PPP2R3C: variants seen among roughly 807,000 people sequenced by gnomAD.
PPP2R3C encodes the protein protein phosphatase 2 regulatory subunit B''gamma.
Under a neutral mutation model 63.7 loss-of-function variants are expected in PPP2R3C, and 47 were observed. That is an observed-to-expected ratio of 0.74 (90% confidence interval 0.58 to 0.94). PPP2R3C has a LOEUF of 0.94. PPP2R3C is among the 40% of genes least tolerant of loss of function. The pLI is 0.00. For missense variants in PPP2R3C, 421 were observed against 518.4 expected (o/e 0.81, Z 1.82); for synonymous variants, 180 against 177.4 (o/e 1.01, Z -0.12).
At chr14:35,107,261 T>C in intron 6 of PPP2R3C, 43 bp downstream of exon 6, 1 of 1,413,038 alleles carries the variant, frequency 7.1e-7, no homozygotes, top group Non-Finnish European at 9.9e-7. Flanking sequence ...TACATTTTAG[T>C]GTCTATAAGA....
intron 1 of PPP2R3C, chr14:35,116,969 T>C (rs779096793): frequency 6.3e-5 from 27 of 426,764 alleles, no homozygotes; most frequent in Middle Eastern, 7.4e-4. Context: ...CTCCCTCTAC[T>C]TCTGTTTATC....
intron 1 of PPP2R3C, among the ~76,000 whole-genome samples, chr14:35,120,177 G>A (rs567635464): frequency 9.9e-5 from 15 of 151,510 alleles, no homozygotes; most frequent in Non-Finnish European, 2.2e-4. Context: ...GAGTGTATGG[G>A]CAACTAACTG....
intron 9 of PPP2R3C, 113 bp from the exon 10 acceptor site, chr14:35,095,297 G>T: frequency 9.5e-7 from 1 of 1,052,450 alleles, no homozygotes; most frequent in Non-Finnish European, 1.4e-6. Flanking sequence ...AACTATTCAT[G>T]TTATGATTAG....
chr14:35,117,257 C>T (rs2046736968), intron 1 of PPP2R3C: 1 of 433,662 alleles, frequency 2.3e-6, no homozygotes, highest in African/African-American at 2.0e-5. Context: ...TGCAACTCGC[C>T]TGCTATTGGC....
At chr14:35,089,370 C>G (rs1181780086) in intron 11 of PPP2R3C, among the ~76,000 whole-genome samples, 1 of 151,892 alleles carries the variant, frequency 6.6e-6, no homozygotes, top group Admixed American at 6.6e-5. Context: ...TCCCAACGTG[C>G]TGGGATTAGA....
chr14:35,088,287 T>C (rs531753002), intron 11 of PPP2R3C, among the ~76,000 whole-genome samples: 45 of 152,204 alleles, frequency 3.0e-4, no homozygotes, highest in Non-Finnish European at 6.0e-4. Flanking sequence ...TGCTTCTACA[T>C]AGGAATGTTC....
chr14:35,098,492 G>A (rs529014897), intron 7 of PPP2R3C, among the ~76,000 whole-genome samples: 2 of 151,404 alleles, frequency 1.3e-5, no homozygotes, highest in Non-Finnish European at 2.9e-5. Context: ...GATTACAGGT[G>A]TGAGCCACCG....
chr14:35,106,825 G>A (rs1595110826), intron 6 of PPP2R3C, among the ~76,000 whole-genome samples: 1 of 150,830 alleles, frequency 6.6e-6, no homozygotes, highest in South Asian at 2.1e-4. Context: ...GTGCCACCAA[G>A]CCTGGCTAAT....
chr14:35,087,038 C>G (rs2045625307), intron 12 of PPP2R3C: 1 of 152,076 alleles, frequency 6.6e-6, no homozygotes, highest in African/African-American at 2.4e-5. Flanking sequence ...GAGATAGTGA[C>G]AAAGCTTCAT....
chr14:35,099,166 T>C, intron 7 of PPP2R3C, 86 bp downstream of exon 7: 2 of 1,379,726 alleles, frequency 1.4e-6, no homozygotes, highest in Non-Finnish European at 1.9e-6. Flanking sequence ...AAATAAATGA[T>C]ATTTTTCAAG....
chr14:35,120,568 G>T (rs1210483222), intron 1 of PPP2R3C, among the ~76,000 whole-genome samples: 1 of 152,134 alleles, frequency 6.6e-6, no homozygotes, highest in African/African-American at 2.4e-5. Context: ...TTCTTAATGA[G>T]ATATATATTA....
chr14:35,097,432 G>A (rs1438217423), intron 7 of PPP2R3C, among the ~76,000 whole-genome samples: 1 of 151,934 alleles, frequency 6.6e-6, no homozygotes, highest in Non-Finnish European at 1.5e-5. Flanking sequence ...GCAATACGCA[G>A]GTAAACAGGT....
intron 1 of PPP2R3C, among the ~76,000 whole-genome samples, chr14:35,119,045 T>A (rs578200353): frequency 1.4e-3 from 205 of 151,186 alleles, no homozygotes; most frequent in African/African-American, 4.7e-3. Context: ...ATGACTTTTT[T>A]TTTTTTTTTT....
chr14:35,096,440 T>G (rs1279801636), intron 9 of PPP2R3C, 118 bp downstream of exon 9: 5 of 965,560 alleles, frequency 5.2e-6, no homozygotes, highest in Non-Finnish European at 7.8e-6. Context: ...TACTAAAGCT[T>G]AAGGTAATTA....
At chr14:35,120,764 T>C (rs1026664890) in intron 1 of PPP2R3C, among the ~76,000 whole-genome samples, 1 of 151,850 alleles carries the variant, frequency 6.6e-6, no homozygotes, top group African/African-American at 2.4e-5. Flanking sequence ...CCAGGCAACA[T>C]AGCAAGACCT....
intron 11 of PPP2R3C, among the ~76,000 whole-genome samples, chr14:35,090,314 T>G (rs2138607184): frequency 6.9e-6 from 1 of 144,884 alleles, no homozygotes; most frequent in African/African-American, 2.5e-5. Context: ...CGATTTCAGC[T>G]CACTGCAACC....
intron 12 of PPP2R3C, chr14:35,087,657 C>A (rs953053736): frequency 3.2e-6 from 1 of 311,096 alleles, no homozygotes; most frequent in Admixed American, 4.5e-5. Flanking sequence ...GCCTCAGCCT[C>A]CCAACGTGCT....
chr14:35,091,933 T>C (rs563922780), intron 10 of PPP2R3C, among the ~76,000 whole-genome samples: 1 of 151,974 alleles, frequency 6.6e-6, no homozygotes, highest in Admixed American at 6.6e-5. Flanking sequence ...TTACCCAAGC[T>C]GGTCTCAAAC....
intron 12 of PPP2R3C, 62 bp downstream of exon 12, chr14:35,087,889 A>G (rs1241463981): frequency 7.7e-7 from 1 of 1,290,698 alleles, no homozygotes; most frequent in Non-Finnish European, 1.1e-6. Flanking sequence ...ATAAAATTTC[A>G]TGTAATACAA....
Sources: gnomAD v4.1 joint callset for allele counts (sites outside exome capture counted in the v4.1 genomes callset) on GRCh38, gnomAD v4.1.1 for gene constraint, MANE v1.5 for transcripts, NCBI Gene and HGNC (gene_info 2026-07-23, HGNC 2026-07-21) for gene names.